Variants in TRABD2B observed in about 807,000 individuals in gnomAD.
TRABD2B encodes TraB domain containing 2B, also known as metalloprotease TIKI2.
TRABD2B carries 14 observed loss-of-function variants against 40.1 expected under a neutral mutation model. The ratio of observed to expected loss-of-function variants is 0.35; its 90% confidence interval spans 0.23 to 0.55. The LOEUF (loss-of-function observed/expected upper bound fraction) is 0.55. Ranked by LOEUF, TRABD2B falls within the 20% of genes least tolerant of loss-of-function variation. The pLI is 0.90. For missense variants in TRABD2B, 541 were observed against 648.6 expected, an observed-to-expected ratio of 0.83 and a Z score of 1.80; for synonymous variants, 263 against 277.0, an observed-to-expected ratio of 0.95 and a Z score of 0.50.
chr1:47,988,024 G>A (rs112486852), intron 2 of TRABD2B, among the ~76,000 whole-genome samples: 50 of 152,206 alleles, frequency 3.3e-4, no homozygotes, highest in Admixed American at 5.9e-4. Context: ...CTGGGGCCTC[G>A]GGGAAGGCTT....
intron 2 of TRABD2B, among the ~76,000 whole-genome samples, chr1:47,892,495 G>T (rs1006549969): frequency 2.6e-5 from 4 of 152,158 alleles, no homozygotes; most frequent in Admixed American, 6.5e-5. Context: ...AGAGAATTTG[G>T]GCTGCAGATT....
At chr1:47,962,648 C>G (rs1645538147) in intron 2 of TRABD2B, among the ~76,000 whole-genome samples, 2 of 152,204 alleles carry the variant, frequency 1.3e-5, no homozygotes, top group Non-Finnish European at 2.9e-5. Context: ...TCACAGCAAC[C>G]CTTTGAAGTA....
At chr1:47,914,241 T>C (rs985471055) in intron 2 of TRABD2B, among the ~76,000 whole-genome samples, 5 of 152,228 alleles carry the variant, frequency 3.3e-5, no homozygotes, top group East Asian at 3.9e-4. Flanking sequence ...CTTGGTAAAA[T>C]GACCCCTGGT....
At chr1:47,786,760 G>GTGCAGCCTTGGCTCAC (rs1405776381) in intron 4 of TRABD2B, among the ~76,000 whole-genome samples, 9 of 152,156 alleles carry the variant, frequency 5.9e-5, no homozygotes, top group Non-Finnish European at 1.2e-4. Context: ...CCAGGCTGGA[G>GTGCAGCCTTGGCTCAC]TGCAGCCTTG....
At chr1:47,953,504 G>A (rs989600890) in intron 2 of TRABD2B, among the ~76,000 whole-genome samples, 3 of 152,204 alleles carry the variant, frequency 2.0e-5, no homozygotes, top group African/African-American at 7.2e-5. Context: ...TAAAAGCTCC[G>A]TCCTACCATT....
intron 2 of TRABD2B, among the ~76,000 whole-genome samples, chr1:47,962,647 C>A (rs933896743): frequency 6.6e-6 from 1 of 152,230 alleles, no homozygotes; most frequent in African/African-American, 2.4e-5. Context: ...TTCACAGCAA[C>A]CCTTTGAAGT....
At chr1:47,938,966 G>A (rs1040526576) in intron 2 of TRABD2B, among the ~76,000 whole-genome samples, 5 of 151,476 alleles carry the variant, frequency 3.3e-5, no homozygotes, top group African/African-American at 4.9e-5. Context: ...ACAGAGAGGG[G>A]CAGACTGACA....
chr1:47,858,562 C>T (rs1643922768), intron 2 of TRABD2B, among the ~76,000 whole-genome samples: 1 of 152,232 alleles, frequency 6.6e-6, no homozygotes. Context: ...CCTAGCCACA[C>T]TATATTCTTA....
intron 2 of TRABD2B, among the ~76,000 whole-genome samples, chr1:47,992,218 T>C (rs1020159665): frequency 1.3e-5 from 2 of 152,140 alleles, no homozygotes; most frequent in African/African-American, 4.8e-5. Context: ...TTGGAGTCTG[T>C]TTGATCTTCA....
chr1:47,769,562 G>A (rs547051970), intron 6 of TRABD2B, among the ~76,000 whole-genome samples: 26 of 152,318 alleles, frequency 1.7e-4, no homozygotes, highest in Middle Eastern at 6.8e-3. Context: ...CCCACCTCCT[G>A]GGCCTGATTC....
chr1:47,990,097 T>C (rs770719693), intron 2 of TRABD2B, among the ~76,000 whole-genome samples: 20 of 152,258 alleles, frequency 1.3e-4, no homozygotes, highest in Non-Finnish European at 2.9e-4. Flanking sequence ...AGTGAGGGAC[T>C]TGTAGAATTT....
chr1:47,784,446 A>T (rs1208732581), intron 4 of TRABD2B, among the ~76,000 whole-genome samples: 1 of 152,142 alleles, frequency 6.6e-6, no homozygotes, highest in Non-Finnish European at 1.5e-5. Flanking sequence ...GGAGAACCAG[A>T]TGTTCCCACA....
At chr1:47,777,432 C>T (rs1055349057) in intron 5 of TRABD2B, among the ~76,000 whole-genome samples, 2 of 152,204 alleles carry the variant, frequency 1.3e-5, no homozygotes, top group South Asian at 2.1e-4. Flanking sequence ...GAGGGTTTAT[C>T]GAGACCTCAG....
intron 2 of TRABD2B, among the ~76,000 whole-genome samples, chr1:47,815,331 C>T (rs1249057744): frequency 6.6e-6 from 1 of 152,134 alleles, no homozygotes; most frequent in Non-Finnish European, 1.5e-5. Context: ...CCTGGGAGGG[C>T]GGGCTGTATG....
chr1:47,913,663 G>A (rs1351609980), intron 2 of TRABD2B, among the ~76,000 whole-genome samples: 1 of 152,194 alleles, frequency 6.6e-6, no homozygotes, highest in Non-Finnish European at 1.5e-5. Context: ...GTCCGGGGCA[G>A]CATGGAGTTC....
At chr1:47,786,510 T>C (rs1644597739) in intron 4 of TRABD2B, among the ~76,000 whole-genome samples, 1 of 152,206 alleles carries the variant, frequency 6.6e-6, no homozygotes, top group Non-Finnish European at 1.5e-5. Flanking sequence ...ACGGCGACTC[T>C]GGCCAAGGAT....
chr1:47,801,670 T>C, intron 2 of TRABD2B, 51 bp from the exon 3 acceptor site: 1 of 1,525,014 alleles, frequency 6.6e-7, no homozygotes, highest in Non-Finnish European at 8.8e-7. Flanking sequence ...GGACCCTGGC[T>C]GAGCTCTAGG....
At chr1:47,895,745 G>T (rs1644509011) in intron 2 of TRABD2B, among the ~76,000 whole-genome samples, 1 of 152,222 alleles carries the variant, frequency 6.6e-6, no homozygotes, top group African/African-American at 2.4e-5. Flanking sequence ...AAGCCCTTGG[G>T]TGATCCTCTG....
chr1:47,841,714 G>C (rs924553800), intron 2 of TRABD2B, among the ~76,000 whole-genome samples: 1 of 152,130 alleles, frequency 6.6e-6, no homozygotes, highest in Non-Finnish European at 1.5e-5. Flanking sequence ...AGAGCCAGGG[G>C]CAACCAGTTG....
Sources: gnomAD v4.1 joint callset for allele counts (sites outside exome capture counted in the v4.1 genomes callset) on GRCh38, gnomAD v4.1.1 for gene constraint, MANE v1.5 for transcripts, NCBI Gene and HGNC (gene_info 2026-07-23, HGNC 2026-07-21) for gene names.